SEMA3E: variants seen among roughly 807,000 people sequenced by gnomAD.
SEMA3E encodes semaphorin 3E, also known as semaphorin-3E.
In SEMA3E, 49 loss-of-function variants were observed where a neutral mutation model predicts 93.6. The ratio of observed to expected loss-of-function variants is 0.52; its 90% confidence interval spans 0.42 to 0.66. The LOEUF is 0.66. Among genes scored for constraint, SEMA3E ranks in the 30% least tolerant of loss-of-function variants. The probability of loss-of-function intolerance (pLI) is 0.00; values close to 1 mark genes in which losing one functional copy is unlikely to be tolerated. For synonymous variants in SEMA3E, 363 were observed against 330.7 expected (o/e 1.10, Z -1.06); for missense variants, 906 against 964.8 (o/e 0.94, Z 0.81).
At chr7:83,519,389 A>G (rs902869077) in intron 1 of SEMA3E, among the ~76,000 whole-genome samples, 3 of 152,084 alleles carry the variant, frequency 2.0e-5, no homozygotes, top group African/African-American at 4.8e-5. Context: ...ACCCTACAAA[A>G]AAGTTTACAT....
At chr7:83,514,884 T>G (rs1000411223) in intron 1 of SEMA3E, among the ~76,000 whole-genome samples, 66 of 152,146 alleles carry the variant, frequency 4.3e-4, no homozygotes, top group African/African-American at 1.5e-3. Context: ...GAATTCTACT[T>G]TGGATAATAA....
At chr7:83,454,272 A>AAAAAAATATAT (rs1257792756) in intron 4 of SEMA3E, among the ~76,000 whole-genome samples, 7 of 110,108 alleles carry the variant, frequency 6.4e-5, no homozygotes, top group African/African-American at 3.0e-4. Flanking sequence ...AAAAAAAAAA[A>AAAAAAATATAT]ATATATATAT....
At chr7:83,371,511 C>T (rs1482881242) in intron 16 of SEMA3E, 1 of 152,134 alleles carries the variant, frequency 6.6e-6, no homozygotes, top group Non-Finnish European at 1.5e-5. Flanking sequence ...TATAATTTAT[C>T]TTTAATTTTG....
At chr7:83,591,944 A>G (rs1011504904) in intron 1 of SEMA3E, among the ~76,000 whole-genome samples, 3 of 152,068 alleles carry the variant, frequency 2.0e-5, no homozygotes, top group East Asian at 3.8e-4. Flanking sequence ...CAGTTATAAC[A>G]TGAAACCTAG....
At chr7:83,413,965 C>T (rs1788492341) in intron 5 of SEMA3E, among the ~76,000 whole-genome samples, 1 of 152,012 alleles carries the variant, frequency 6.6e-6, no homozygotes, top group Non-Finnish European at 1.5e-5. Context: ...TGTGACGGAA[C>T]CATAAGTAAA....
At chr7:83,564,629 T>C (rs1408493703) in intron 1 of SEMA3E, among the ~76,000 whole-genome samples, 1 of 152,172 alleles carries the variant, frequency 6.6e-6, no homozygotes, top group East Asian at 1.9e-4. Flanking sequence ...ATTTACACAA[T>C]CACTCTTTCT....
At chr7:83,591,121 A>ACC (rs1554341482) in intron 1 of SEMA3E, among the ~76,000 whole-genome samples, 2 of 143,048 alleles carry the variant, frequency 1.4e-5, no homozygotes, top group African/African-American at 5.9e-5. Context: ...AAAAAAAAAA[A>ACC]ACAAGAGGAA....
intron 1 of SEMA3E, among the ~76,000 whole-genome samples, chr7:83,629,011 T>G (rs929433270): frequency 2.6e-5 from 4 of 152,158 alleles, no homozygotes; most frequent in African/African-American, 9.6e-5. Context: ...TATTGCTTCC[T>G]GCTTGGGAGT....
rs1790726674 is a variant in SEMA3E, at chr7:83,507,450, G to GTGTGTT, written c.116-17177_116-17176insAACACA. On this transcript the variant is annotated intron_variant, in intron 1 of 16. Transcript: ENST00000643230. ...TGTGTGTGTGTGTGTGTGTGTGTGTGTGTGTGTGTGTGTGTGTGTGTGTGA... is the reference window on the plus strand; with the variant it reads ...TGTGTGTGTGTGTGTGTGTGTGTGTGTGTGTTTGTGTGTGTGTGTGTGTGTGTGTGA... Among the ~76,000 whole-genome samples, 10 of 150,072 alleles carry GTGTGTT rather than the reference G, an allele frequency of 6.7e-5. No individual in the cohort carries two copies. In the South Asian group the frequency reaches 2.1e-3, roughly 32 times the overall value.
chr7:83,442,248 AT>A (rs1439182545), intron 4 of SEMA3E, among the ~76,000 whole-genome samples: 1 of 152,116 alleles, frequency 6.6e-6, no homozygotes, highest in Non-Finnish European at 1.5e-5. Context: ...TCCTATTTCC[AT>A]TTCTTTAATT....
At chr7:83,432,041 T>C (rs1240702135) in intron 4 of SEMA3E, among the ~76,000 whole-genome samples, 1 of 151,900 alleles carries the variant, frequency 6.6e-6, no homozygotes, top group Non-Finnish European at 1.5e-5. Context: ...GTAGGTTTTC[T>C]AATTCAAAGT....
At chr7:83,600,320 CT>C (rs34265150) in intron 1 of SEMA3E, among the ~76,000 whole-genome samples, 233 of 142,840 alleles carry the variant, frequency 1.6e-3, no homozygotes, top group Middle Eastern at 3.5e-3. Context: ...AATATTAATT[CT>C]TTTTTTTTTT....
intron 1 of SEMA3E, among the ~76,000 whole-genome samples, chr7:83,619,752 GA>G (rs916042454): frequency 4.6e-5 from 7 of 151,590 alleles, no homozygotes; most frequent in Admixed American, 2.6e-4. Context: ...ATTTTAAAAG[GA>G]GAGACAAAAT....
At chr7:83,618,097 G>A (rs1412579532) in intron 1 of SEMA3E, among the ~76,000 whole-genome samples, 1 of 152,114 alleles carries the variant, frequency 6.6e-6, no homozygotes, top group Admixed American at 6.6e-5. Context: ...CCAGCATTGG[G>A]AGTGGTGAGA....
chr7:83,630,641 A>G (rs949110361), intron 1 of SEMA3E, among the ~76,000 whole-genome samples: 2 of 152,158 alleles, frequency 1.3e-5, no homozygotes, highest in Non-Finnish European at 2.9e-5. Flanking sequence ...TGCTACAAGA[A>G]CTGTAATATG....
intron 10 of SEMA3E, among the ~76,000 whole-genome samples, chr7:83,401,413 G>A (rs140377155): frequency 1.3e-5 from 2 of 152,124 alleles, no homozygotes; most frequent in African/African-American, 4.8e-5. Flanking sequence ...ATTTGGCATG[G>A]ATTTTTCACT....
chr7:83,531,573 G>A (rs896767131), intron 1 of SEMA3E, among the ~76,000 whole-genome samples: 3 of 151,914 alleles, frequency 2.0e-5, no homozygotes, highest in South Asian at 2.1e-4. Context: ...GGCTGGTCTC[G>A]AACTCCTGAC....
chr7:83,448,927 A>G (rs1789294613), intron 4 of SEMA3E, among the ~76,000 whole-genome samples: 1 of 152,160 alleles, frequency 6.6e-6, no homozygotes, highest in South Asian at 2.1e-4. Flanking sequence ...TATATCAAGA[A>G]TTATGTTACA....
At chr7:83,419,720 A>G (rs1293835739) in intron 4 of SEMA3E, among the ~76,000 whole-genome samples, 1 of 152,024 alleles carries the variant, frequency 6.6e-6, no homozygotes, top group Non-Finnish European at 1.5e-5. Flanking sequence ...GGCTTCCTGT[A>G]TGTCTTCTTT....
Sources: allele counts gnomAD v4.1 joint callset (sites outside exome capture counted in the v4.1 genomes callset), GRCh38; gene constraint gnomAD v4.1.1; transcripts MANE v1.5; gene names NCBI Gene and HGNC (gene_info 2026-07-23, HGNC 2026-07-21).